The following BCKDHB variants were observed in gnomAD, a reference collection of about 807,000 sequenced individuals.
BCKDHB encodes branched chain keto acid dehydrogenase E1 subunit beta.
A neutral mutation model predicts 48.5 loss-of-function variants in BCKDHB; 41 were observed. The observed-to-expected ratio is 0.85, with a 90% confidence interval of 0.66 to 1.10. BCKDHB has a LOEUF of 1.10. Among genes scored for constraint, BCKDHB ranks in the 50% least tolerant of loss-of-function variants. The pLI is 0.00. For synonymous variants in BCKDHB, 201 were observed against 174.8 expected (o/e 1.15, Z -1.18); for missense variants, 496 against 494.2 (o/e 1.00, Z -0.03).
the BCKDHB span, among the ~76,000 whole-genome samples, chr6:80,446,645 A>G: frequency 7.2e-5 from 11 of 152,122 alleles, no homozygotes; most frequent in Non-Finnish European, 1.5e-4. Context: ...GAAAGAGGAA[A>G]GAAACACGAA....
At chr6:80,463,614 G>A in the BCKDHB span, among the ~76,000 whole-genome samples, 23 of 151,948 alleles carry the variant, frequency 1.5e-4, no homozygotes, top group Admixed American at 9.2e-4. Context: ...AATTTGAAAG[G>A]TTCTGGGATT....
intron 6 of BCKDHB, among the ~76,000 whole-genome samples, chr6:80,184,611 T>G (rs1228491713): frequency 1.9e-4 from 29 of 152,182 alleles, no homozygotes; most frequent in Admixed American, 1.9e-3. Flanking sequence ...CTTTTAGAAG[T>G]TCTTGTAGTG....
At chr6:80,223,914 GT>G (rs1262022938) in intron 8 of BCKDHB, among the ~76,000 whole-genome samples, 1 of 152,274 alleles carries the variant, frequency 6.6e-6, no homozygotes, top group African/African-American at 2.4e-5. Context: ...TGTGAGTCTA[GT>G]TTCTCATTAG....
intron 9 of BCKDHB, among the ~76,000 whole-genome samples, chr6:80,342,654 C>T (rs558544684): frequency 2.3e-4 from 35 of 149,890 alleles, no homozygotes; most frequent in Admixed American, 4.0e-4. Context: ...AGGAAGGCGT[C>T]GGTGATGTGC....
intron 3 of BCKDHB, among the ~76,000 whole-genome samples, chr6:80,139,489 A>G (rs1172932869): frequency 6.6e-6 from 1 of 151,024 alleles, no homozygotes; most frequent in Admixed American, 6.6e-5. Context: ...TATAAGGTGT[A>G]AGGAAGGGAT....
the BCKDHB span, among the ~76,000 whole-genome samples, chr6:80,362,580 G>T: frequency 6.6e-6 from 1 of 152,126 alleles, no homozygotes; most frequent in East Asian, 1.9e-4. Flanking sequence ...CATAGGATCC[G>T]CAAAGGCCAT....
chr6:80,460,296 TC>T, the BCKDHB span, among the ~76,000 whole-genome samples: 1 of 152,264 alleles, frequency 6.6e-6, no homozygotes, highest in African/African-American at 2.4e-5. Context: ...GTCCATGATA[TC>T]CTTTAGGAAT....
intron 9 of BCKDHB, among the ~76,000 whole-genome samples, chr6:80,294,153 C>G (rs1248708719): frequency 2.0e-5 from 3 of 152,136 alleles, no homozygotes; most frequent in Non-Finnish European, 4.4e-5. Context: ...AGTCAGGGAC[C>G]CCGAATGGAG....
At chr6:80,266,596 A>G (rs1777524037) in intron 8 of BCKDHB, among the ~76,000 whole-genome samples, 1 of 152,096 alleles carries the variant, frequency 6.6e-6, no homozygotes, top group Non-Finnish European at 1.5e-5. Flanking sequence ...TTAAAAAGGT[A>G]CACAGAAGCA....
At chr6:80,271,187 C>T (rs1213871903) in intron 8 of BCKDHB, among the ~76,000 whole-genome samples, 1 of 152,076 alleles carries the variant, frequency 6.6e-6, no homozygotes, top group Non-Finnish European at 1.5e-5. Flanking sequence ...TTGTTTTTTA[C>T]AAAATATAAG....
chr6:80,109,349 A>G (rs1446911334), intron 1 of BCKDHB, among the ~76,000 whole-genome samples: 1 of 152,202 alleles, frequency 6.6e-6, no homozygotes, highest in Admixed American at 6.5e-5. Flanking sequence ...AATAATTACC[A>G]TTATGTTTTT....
Position 80,345,906 on chromosome 6 carries a change from A to G in BCKDHB, c.*2102A>G, listed in dbSNP as rs769988892. On this transcript the variant is annotated 3_prime_UTR_variant, in exon 10 of 10. Coordinates refer to ENST00000320393, the MANE Select transcript of BCKDHB (RefSeq NM_183050.4). ...AAAGAAAAACAACTCCAATATGCTA[A>G]AAGTTAAATATGGTATTTAAGAAAA... The G allele has an allele frequency of 6.6e-6, 1 of 152,222 alleles. No individual in the cohort carries two copies. The highest frequency in any genetic ancestry group is 1.5e-5 in the Non-Finnish European group (1 of 68,040). The allele number at this position is 152,222 out of a possible 1,614,324, so 9.4% of individuals were successfully genotyped here.
the BCKDHB span, among the ~76,000 whole-genome samples, chr6:80,412,345 C>G: frequency 6.6e-6 from 1 of 151,866 alleles, no homozygotes; most frequent in Non-Finnish European, 1.5e-5. Flanking sequence ...TGGGGTTTCA[C>G]CATGTTGGCC....
intron 6 of BCKDHB, among the ~76,000 whole-genome samples, chr6:80,200,644 A>C (rs1275655534): frequency 1.3e-5 from 2 of 152,170 alleles, no homozygotes; most frequent in Non-Finnish European, 2.9e-5. Context: ...ATATTGATAC[A>C]TTCTTATTGA....
the BCKDHB span, chr6:80,355,745 G>A: frequency 6.6e-6 from 1 of 152,122 alleles, no homozygotes; most frequent in Non-Finnish European, 1.5e-5. Context: ...CAAACACAAG[G>A]AATTTGCACA....
intron 9 of BCKDHB, among the ~76,000 whole-genome samples, chr6:80,298,897 A>C (rs1767405271): frequency 6.6e-6 from 1 of 152,164 alleles, no homozygotes; most frequent in Non-Finnish European, 1.5e-5. Flanking sequence ...TCAGCTCTTA[A>C]GTTTCCCCCT....
At chr6:80,336,513 ACC>A (rs369267355) in intron 9 of BCKDHB, among the ~76,000 whole-genome samples, 3 of 142,134 alleles carry the variant, frequency 2.1e-5, no homozygotes, top group African/African-American at 5.2e-5. Context: ...ACAAAAAAAA[ACC>A]AAATTTACCA....
chr6:80,106,723 G>T lies in BCKDHB; in HGVS notation c.30G>T (p.Trp10Cys), dbSNP rs752065929. The part of the protein sequence containing the change: MAVVAAAAG[W>C]LLRLRAAGAE... ...CGGTTGTAGCGGCGGCTGCCGGCTG[G>T]CTACTCAGGCTCAGGGCGGCAGGGG... is the stretch of plus-strand genomic sequence containing the variant. The change falls in exon 1 of 10, where the codon TGG becomes TGT. Residue 10 changes from tryptophan to cysteine, a missense_variant. Coordinates refer to ENST00000320393, the MANE Select transcript of BCKDHB (RefSeq NM_183050.4). 11 of 1,554,508 alleles carry T rather than the reference G, an allele frequency of 7.1e-6. No individual in the cohort carries two copies. Among genetic ancestry groups the T allele is most frequent in the South Asian group, 1.2e-5 (1 of 84,894 alleles).
chr6:80,245,833 T>C (rs1690119546), intron 8 of BCKDHB, among the ~76,000 whole-genome samples: 1 of 152,124 alleles, frequency 6.6e-6, no homozygotes, highest in Non-Finnish European at 1.5e-5. Context: ...CCCAGCACGT[T>C]GGGAGGCCGA....
Sources: allele counts gnomAD v4.1 joint callset (sites outside exome capture counted in the v4.1 genomes callset), GRCh38; gene constraint gnomAD v4.1.1; transcripts MANE v1.5; gene names NCBI Gene and HGNC (gene_info 2026-07-23, HGNC 2026-07-21).